UIMC1: variants seen among roughly 807,000 people sequenced by gnomAD.
UIMC1 encodes ubiquitin interaction motif containing 1, also known as BRCA1-A complex subunit RAP80.
UIMC1 carries 42 observed loss-of-function variants against 84.9 expected under a neutral mutation model. That is an observed-to-expected ratio of 0.49 (90% CI 0.39 to 0.64). The LOEUF (loss-of-function observed/expected upper bound fraction) is 0.64, where lower values mean the gene tolerates loss of function less well. Among genes scored for constraint, UIMC1 ranks in the 30% least tolerant of loss-of-function variants. The pLI is 0.00. For missense variants in UIMC1, 825 were observed against 847.6 expected (o/e 0.97, Z 0.33); for synonymous variants, 281 against 293.0 (o/e 0.96, Z 0.42).
chr5:176,938,617 G>A (rs1352899176), intron 10 of UIMC1, among the ~76,000 whole-genome samples: 3 of 152,136 alleles, frequency 2.0e-5, no homozygotes, highest in Admixed American at 6.5e-5. Flanking sequence ...AGATTAAGAC[G>A]AAGCTATTGT....
chr5:176,970,453 T>C (rs1379689508), intron 4 of UIMC1: 2 of 417,186 alleles, frequency 4.8e-6, no homozygotes, highest in Middle Eastern at 7.4e-4. Flanking sequence ...TTCTGGTTCT[T>C]GGTATTCAGT....
At chr5:176,976,691 G>A (rs1267828752) in intron 2 of UIMC1, among the ~76,000 whole-genome samples, 2 of 152,242 alleles carry the variant, frequency 1.3e-5, no homozygotes, top group Admixed American at 1.3e-4. Flanking sequence ...CACATATATT[G>A]TATAATTCCA....
chr5:176,945,317 A>C (rs1764939718), intron 9 of UIMC1, among the ~76,000 whole-genome samples: 1 of 152,214 alleles, frequency 6.6e-6, no homozygotes, highest in African/African-American at 2.4e-5. Flanking sequence ...AAGCTTAAAA[A>C]TTGCAAAGCT....
At chr5:176,934,178 T>C (rs1364860029) in intron 10 of UIMC1, among the ~76,000 whole-genome samples, 2 of 152,106 alleles carry the variant, frequency 1.3e-5, no homozygotes, top group East Asian at 3.9e-4. Flanking sequence ...CAGCAGGATA[T>C]GAAAAAATCT....
At position 176,908,491 on chromosome 5, in the gene UIMC1, A is replaced by G. The variant is rs1213000517; in HGVS notation, c.1848+32T>C. 4 of 1,591,146 alleles carry G rather than the reference A, an allele frequency of 2.5e-6. No individual in the cohort carries two copies. In the South Asian group the frequency reaches 4.6e-5, roughly 18 times the overall value. On this transcript the variant is annotated intron_variant, in intron 12 of 14. Coordinates refer to ENST00000511320, the MANE Select transcript of UIMC1 (RefSeq NM_001199298.2). ...CTTACAACTGACAACCAGGAGGGTT[A>G]GGTGGCCTTTCCCAAAACACTCTAC...
Position 176,982,476 on chromosome 5 carries a change from T to A in UIMC1, c.140A>T (p.Asp47Val). 6.2e-7 allele frequency: 1 copy of A among 1,613,172 alleles called. No individual in the cohort carries two copies. The highest frequency in any genetic ancestry group is 8.5e-7 in the Non-Finnish European group (1 of 1,179,822). The change falls in exon 2 of 15, where the codon GAT becomes GTT. Residue 47 changes from aspartate to valine, a missense_variant. Asp to Val is a radical substitution (Grantham distance 152). Coordinates refer to ENST00000511320, the MANE Select transcript of UIMC1 (RefSeq NM_001199298.2). ...CAGCTCTACTTCACTAACCTCTCCA[T>A]CACTATCGGATATCACAATGAATGC... ...EDAFIVISDS[D>V]GEEPKEENGL...
chr5:177,005,431 G>C (rs548994251), intron 1 of UIMC1, among the ~76,000 whole-genome samples: 3 of 151,956 alleles, frequency 2.0e-5, no homozygotes, highest in Non-Finnish European at 4.4e-5. Context: ...TTTGTAAAAA[G>C]GTAAATGCAT....
chr5:176,986,359 CAAAAAA>C (rs71583560), intron 1 of UIMC1, among the ~76,000 whole-genome samples: 45 of 28,016 alleles, frequency 1.6e-3, no homozygotes, highest in Admixed American at 4.5e-3. Context: ...GACTTCATCT[CAAAAAA>C]AAAAAAAAAA....
intron 1 of UIMC1, among the ~76,000 whole-genome samples, chr5:177,000,944 T>C (rs1774356395): frequency 6.6e-6 from 1 of 152,212 alleles, no homozygotes; most frequent in African/African-American, 2.4e-5. Flanking sequence ...GCAAATATTT[T>C]CTCCTATCCT....
At chr5:177,002,905 C>A (rs753023153) in intron 1 of UIMC1, among the ~76,000 whole-genome samples, 20 of 151,874 alleles carry the variant, frequency 1.3e-4, no homozygotes, top group Non-Finnish European at 2.5e-4. Context: ...AGTAACTTGC[C>A]CAAACACAGT....
At chr5:176,920,572 A>G (rs1761581434) in intron 10 of UIMC1, among the ~76,000 whole-genome samples, 1 of 152,194 alleles carries the variant, frequency 6.6e-6, no homozygotes, top group Non-Finnish European at 1.5e-5. Flanking sequence ...TCTTAAATCC[A>G]CTTTCAGATT....
intron 13 of UIMC1, 31 bp from the exon 14 acceptor site, chr5:176,906,078 G>T: frequency 6.2e-7 from 1 of 1,606,938 alleles, no homozygotes; most frequent in Non-Finnish European, 8.5e-7. Flanking sequence ...TAATAATGTT[G>T]GTAGTAGTGT....
At chr5:177,017,970 T>C (rs570602929) in intron 1 of UIMC1, among the ~76,000 whole-genome samples, 116 of 152,208 alleles carry the variant, frequency 7.6e-4, no homozygotes, top group Admixed American at 2.5e-3. Context: ...ATCTCTGTTA[T>C]AGCAGTTAAA....
intron 10 of UIMC1, among the ~76,000 whole-genome samples, chr5:176,913,348 T>A (rs1760511745): frequency 6.6e-6 from 1 of 152,240 alleles, no homozygotes; most frequent in Non-Finnish European, 1.5e-5. Flanking sequence ...GACTTCACCA[T>A]GCTATCAAAA....
chr5:176,960,542 T>G (rs905335433), intron 6 of UIMC1, among the ~76,000 whole-genome samples: 9 of 151,464 alleles, frequency 5.9e-5, no homozygotes, highest in African/African-American at 2.2e-4. Context: ...GGAGAAATAA[T>G]ATGTTAATAA....
At chr5:176,988,581 T>A (rs533974220) in intron 1 of UIMC1, among the ~76,000 whole-genome samples, 1 of 152,198 alleles carries the variant, frequency 6.6e-6, no homozygotes, top group East Asian at 1.9e-4. Context: ...AGAAATGTTC[T>A]GGAATTAGAA....
rs1193938157 is a variant in UIMC1 at position 176,907,185 on chromosome 5, A to G, written c.1849-8T>C. On this transcript the variant is annotated splice_region_variant and splice_polypyrimidine_tract_variant and intron_variant, in intron 12 of 14. Transcript: ENST00000511320. ...TTCACTGTGGCCTTTTTCCTGTAAC[A>G]GAGAAAAACAGATGAAAAGGTTACT... 2 of 1,611,814 alleles carry G rather than the reference A, an allele frequency of 1.2e-6. No individual in the cohort carries two copies. The highest frequency in any genetic ancestry group is 1.1e-5 in the South Asian group (1 of 90,598).
At position 176,913,278 on chromosome 5, in the gene UIMC1, C is replaced by A. The variant is rs183783641; in HGVS notation, c.1598-1889G>T. Among the ~76,000 whole-genome samples the A allele has an allele frequency of 1.3e-3, 202 of 152,266 alleles. 2 individuals are homozygous for A. Among genetic ancestry groups the A allele is most frequent in the Non-Finnish European group, 2.2e-3 (153 of 68,010 alleles). On this transcript the variant is annotated intron_variant, in intron 10 of 14. Transcript: ENST00000511320. The stretch of plus-strand genomic sequence containing the variant: ...AGCTCTAATCCTTATGATGACCCTC[C>A]AGATTGGTATTATTACTTTTCCCCA...
intron 1 of UIMC1, among the ~76,000 whole-genome samples, chr5:177,021,005 C>T (rs1246583762): frequency 6.6e-6 from 1 of 152,174 alleles, no homozygotes; most frequent in Non-Finnish European, 1.5e-5. Context: ...AAAGGCTACG[C>T]AAGGTGGCAT....
Sources: allele counts gnomAD v4.1 joint callset (sites outside exome capture counted in the v4.1 genomes callset), GRCh38; gene constraint gnomAD v4.1.1; transcripts MANE v1.5; gene names NCBI Gene and HGNC (gene_info 2026-07-23, HGNC 2026-07-21).